The following MYO15B variants were observed in gnomAD, a reference collection of about 807,000 sequenced individuals.
The protein encoded by MYO15B is myosin XVB.
MYO15B carries 207 observed loss-of-function variants against 119.3 expected under a neutral mutation model. The ratio of observed to expected loss-of-function variants is 1.73; its 90% CI spans 1.55 to 1.95. The LOEUF is 1.95. Among genes scored for constraint, MYO15B ranks in the 30% most tolerant of loss-of-function variants. The pLI, the probability that MYO15B is intolerant of heterozygous loss-of-function variation, is 0.00. For missense variants in MYO15B, 2,264 were observed against 1,203.1 expected (o/e 1.88, Z -13.04); for synonymous variants, 966 against 498.9 (o/e 1.94, Z -12.48).
At chr17:75,615,337 A>G (rs1260001784) in exon 34 of MYO15B, 1 of 702,010 alleles carries the variant, frequency 1.4e-6, no homozygotes, top group Non-Finnish European at 2.6e-6. Flanking sequence ...CTGCCATGCC[A>G]GGTAAGTCTG....
At chr17:75,608,437 T>A (rs1254574660) in intron 21 of MYO15B, among the ~76,000 whole-genome samples, 1 of 151,938 alleles carries the variant, frequency 6.6e-6, no homozygotes, top group African/African-American at 2.4e-5. Context: ...TTTTTTATAA[T>A]TATTATTTTT....
chr17:75,610,186 G>A (rs777960812), exon 22 of MYO15B: 45 of 700,622 alleles, frequency 6.4e-5, no homozygotes, highest in Non-Finnish European at 5.5e-5. Flanking sequence ...CTCCGGCGGC[G>A]GGCAGCTTTG....
exon 45 of MYO15B, chr17:75,619,391 C>T (rs1342068456): frequency 2.8e-6 from 2 of 702,568 alleles, no homozygotes; most frequent in East Asian, 2.7e-5. Context: ...TCTCTCACCA[C>T]CACCGAAGAC....
At chr17:75,605,462 G>C (rs371895819) in intron 19 of MYO15B, 42 bp from the exon 20 acceptor site, 4 of 663,242 alleles carry the variant, frequency 6.0e-6, no homozygotes, top group African/African-American at 3.7e-5. Context: ...AGTGTAAAAG[G>C]AGGTTCTGGC....
intron 63 of MYO15B, 70 bp downstream of exon 63, chr17:75,626,298 T>C: frequency 1.4e-6 from 1 of 698,524 alleles, no homozygotes; most frequent in Non-Finnish European, 2.6e-6. Context: ...TGGCGTGCAG[T>C]GGGAGCCCAG....
chr17:75,592,891 C>A, intron 9 of MYO15B, 51 bp downstream of exon 9: 1 of 682,726 alleles, frequency 1.5e-6, no homozygotes, highest in Non-Finnish European at 2.7e-6. Flanking sequence ...TCTGTAGAAT[C>A]AGGGCAGTGG....
intron 25 of MYO15B, among the ~76,000 whole-genome samples, chr17:75,612,342 C>G (rs1221223328): frequency 6.6e-6 from 1 of 152,096 alleles, no homozygotes; most frequent in African/African-American, 2.4e-5. Flanking sequence ...GGGAAATTGT[C>G]CAGACTTCAG....
At chr17:75,608,085 T>C (rs996952117) in intron 21 of MYO15B, among the ~76,000 whole-genome samples, 5 of 152,136 alleles carry the variant, frequency 3.3e-5, no homozygotes, top group Non-Finnish European at 7.3e-5. Flanking sequence ...TTTGGAGAAA[T>C]GTCTGTTTCT....
exon 64 of MYO15B, chr17:75,626,576 T>G: frequency 2.9e-6 from 2 of 685,334 alleles, no homozygotes; most frequent in Non-Finnish European, 5.3e-6. Context: ...CAGATCACTG[T>G]TCTAGAACCT....
chr17:75,615,183 G>A (rs2058291004), intron 33 of MYO15B, 57 bp from the exon 34 acceptor site: 2 of 686,558 alleles, frequency 2.9e-6, no homozygotes, highest in Non-Finnish European at 5.4e-6. Context: ...CCTGGGGCTG[G>A]AGGGAGGTGG....
exon 39 of MYO15B, chr17:75,616,576 G>A (rs1209158842): frequency 4.3e-6 from 3 of 703,132 alleles, no homozygotes; most frequent in Non-Finnish European, 7.8e-6. Flanking sequence ...AGCAAGGTGG[G>A]GCCAAAGCTC....
chr17:75,598,833 C>G (rs983953484), intron 14 of MYO15B, among the ~76,000 whole-genome samples: 1 of 151,396 alleles, frequency 6.6e-6, no homozygotes, highest in African/African-American at 2.4e-5. Context: ...GTCCCAAGAT[C>G]ACTTTTGGAA....
chr17:75,610,740 C>T (rs1214448068), intron 22 of MYO15B, 160 bp from the exon 23 acceptor site: 1 of 621,778 alleles, frequency 1.6e-6, no homozygotes, highest in Non-Finnish European at 2.9e-6. Context: ...TGGTGAGGGC[C>T]CTGGAGGGCC....
chr17:75,613,840 T>C, intron 29 of MYO15B, 63 bp downstream of exon 29: 1 of 643,068 alleles, frequency 1.6e-6, no homozygotes, highest in African/African-American at 1.8e-5. Context: ...ACCCTCCTCC[T>C]TCTCCAAGCC....
chr17:75,620,270 C>T (rs938899633), exon 48 of MYO15B: 14 of 702,834 alleles, frequency 2.0e-5, no homozygotes, highest in Admixed American at 4.0e-5. Flanking sequence ...CATCGCCCTG[C>T]GCAGCTACAT....
intron 15 of MYO15B, chr17:75,602,281 G>T: frequency 1.5e-6 from 1 of 649,314 alleles, no homozygotes; most frequent in East Asian, 2.8e-5. Context: ...ACTAGCATAG[G>T]TTAAAGCCCC....
At chr17:75,593,608 C>T (rs1159101499) in intron 9 of MYO15B, among the ~76,000 whole-genome samples, 1 of 145,182 alleles carries the variant, frequency 6.9e-6, no homozygotes, top group Non-Finnish European at 1.5e-5. Context: ...AGCGAGACTC[C>T]GTCTCAGAAA....
chr17:75,604,918 C>T (rs2057527596), intron 19 of MYO15B, among the ~76,000 whole-genome samples: 2 of 152,008 alleles, frequency 1.3e-5, no homozygotes, highest in African/African-American at 4.8e-5. Flanking sequence ...GCAGGCAGAT[C>T]ACCTGAGGTC....
intron 21 of MYO15B, among the ~76,000 whole-genome samples, chr17:75,608,995 G>A (rs1331843461): frequency 6.6e-6 from 1 of 152,078 alleles, no homozygotes; most frequent in East Asian, 1.9e-4. Context: ...GTCTCCCAAA[G>A]TGCTGGGATT....
Sources: gnomAD v4.1 joint callset for allele counts (sites outside exome capture counted in the v4.1 genomes callset) on GRCh38, gnomAD v4.1.1 for gene constraint, MANE v1.5 for transcripts, NCBI Gene and HGNC (gene_info 2026-07-23, HGNC 2026-07-21) for gene names.